SDHB: variants seen among roughly 807,000 people sequenced by gnomAD.
The protein encoded by SDHB is succinate dehydrogenase complex iron sulfur subunit B.
Under a neutral mutation model 39.7 loss-of-function variants are expected in SDHB, and 21 were observed. That is an observed-to-expected ratio of 0.53 (90% confidence interval 0.37 to 0.76). SDHB has a LOEUF of 0.76. Ranked by LOEUF, SDHB falls within the 30% of genes least tolerant of loss-of-function variation. The pLI is 0.00. For synonymous variants in SDHB, 118 were observed against 117.0 expected (o/e 1.01, Z -0.06); for missense variants, 343 against 350.9 (o/e 0.98, Z 0.18).
At chr1:17,043,934 A>G (rs575914937) in intron 2 of SDHB, among the ~76,000 whole-genome samples, 2 of 152,242 alleles carry the variant, frequency 1.3e-5, no homozygotes, top group Non-Finnish European at 2.9e-5. Context: ...GCCTGCTGAC[A>G]CCTTGATTTT....
intron 2 of SDHB, among the ~76,000 whole-genome samples, chr1:17,043,756 G>A (rs2101540318): frequency 6.6e-6 from 1 of 152,354 alleles, no homozygotes; most frequent in Middle Eastern, 3.4e-3. Context: ...GATGGAAGAA[G>A]AGGCCAAGAG....
chr1:17,032,819 C>T, intron 3 of SDHB: 1 of 556,542 alleles, frequency 1.8e-6, no homozygotes, highest in Non-Finnish European at 3.2e-6. Flanking sequence ...CTCACAGGGA[C>T]CGCCAGATGC....
At chr1:17,050,163 A>T (rs935931237) in intron 1 of SDHB, among the ~76,000 whole-genome samples, 1 of 152,144 alleles carries the variant, frequency 6.6e-6, no homozygotes, top group Non-Finnish European at 1.5e-5. Flanking sequence ...AAAAGAGACT[A>T]AGTTTGTATT....
chr1:17,030,470 A>C (rs1570949811), intron 3 of SDHB, among the ~76,000 whole-genome samples: 1 of 152,220 alleles, frequency 6.6e-6, no homozygotes, highest in South Asian at 2.1e-4. Flanking sequence ...GAGGCAAAGC[A>C]AAGCAAACTA....
intron 1 of SDHB, among the ~76,000 whole-genome samples, chr1:17,049,378 ACCTCC>A (rs1295572383): frequency 6.6e-6 from 1 of 150,998 alleles, no homozygotes; most frequent in Admixed American, 6.6e-5. Context: ...GATCGCTGCA[ACCTCC>A]ACCCCTCAGG....
At chr1:17,023,337 A>G (rs1447857892) in intron 6 of SDHB, among the ~76,000 whole-genome samples, 1 of 152,202 alleles carries the variant, frequency 6.6e-6, no homozygotes, top group Non-Finnish European at 1.5e-5. Flanking sequence ...TTCATTATCC[A>G]ATCTTCACAT....
At chr1:17,030,637 C>T (rs191778085) in intron 3 of SDHB, among the ~76,000 whole-genome samples, 1 of 151,814 alleles carries the variant, frequency 6.6e-6, no homozygotes, top group Admixed American at 6.6e-5. Context: ...TTTTGAAGAT[C>T]ATTAGGTCAG....
At chr1:17,049,647 C>CTTTTTTTTTTTTTTTTTTTTTTTTTTT (rs397835910) in intron 1 of SDHB, among the ~76,000 whole-genome samples, 3 of 52,066 alleles carry the variant, frequency 5.8e-5, no homozygotes, top group African/African-American at 2.9e-4. Flanking sequence ...TCCCCTAGTT[C>CTTTTTTTTTTTTTTTTTTTTTTTTTTT]TTTTTTTTTT....
At chr1:17,029,731 CT>C (rs201402887) in intron 3 of SDHB, among the ~76,000 whole-genome samples, 5 of 151,382 alleles carry the variant, frequency 3.3e-5, no homozygotes, top group African/African-American at 7.3e-5. Flanking sequence ...AGCTCTTCTT[CT>C]TTTTTTTTCT....
intron 1 of SDHB, among the ~76,000 whole-genome samples, chr1:17,046,663 T>C (rs952951569): frequency 6.6e-6 from 1 of 152,148 alleles, no homozygotes; most frequent in African/African-American, 2.4e-5. Context: ...CTGAGATTCA[T>C]ATGTTACTGC....
chr1:17,041,809 A>G (rs1288648311), intron 2 of SDHB, among the ~76,000 whole-genome samples: 1 of 152,232 alleles, frequency 6.6e-6, no homozygotes, highest in Non-Finnish European at 1.5e-5. Flanking sequence ...AGAGTTCATG[A>G]ACAGCATTTA....
intron 2 of SDHB, among the ~76,000 whole-genome samples, chr1:17,037,627 T>C (rs1001347612): frequency 2.6e-5 from 4 of 152,120 alleles, no homozygotes; most frequent in African/African-American, 7.2e-5. Flanking sequence ...TGGCTAATTT[T>C]TGTATTTTTA....
Position 17,044,925 on chromosome 1 carries a change from A to G in SDHB, c.73-37T>C, listed in dbSNP as rs201865581. On this transcript the variant is annotated intron_variant, in intron 1 of 7. Coordinates refer to ENST00000375499, the MANE Select transcript of SDHB (RefSeq NM_003000.3). ...TAAAGTTCACAAAAAGGAAAAAAAAATTAGAAATACAAGATAATTCCATTT... is the reference window on the plus strand; with the variant it reads ...TAAAGTTCACAAAAAGGAAAAAAAAGTTAGAAATACAAGATAATTCCATTT... The G allele has an allele frequency of 1.4e-5, 23 of 1,596,384 alleles. No individual in the cohort carries two copies. The East Asian group carries it at 4.9e-4, about 34-fold the overall frequency.
chr1:17,023,209 A>G (rs1292093760), intron 6 of SDHB: 3 of 275,372 alleles, frequency 1.1e-5, no homozygotes, highest in Non-Finnish European at 2.1e-5. Flanking sequence ...GCAGCCTGAG[A>G]TCAGCAGGCT....
At position 17,041,886 on chromosome 1, in the gene SDHB, C is replaced by A. The variant is rs76959903; in HGVS notation, c.200+2875G>T. Among the ~76,000 whole-genome samples the A allele has an allele frequency of 9.4e-3, 1,427 of 151,992 alleles. 56 individuals are homozygous for A. The East Asian group carries it at 0.11, about 12-fold the overall frequency. On this transcript the variant is annotated intron_variant, in intron 2 of 7. Transcript: ENST00000375499. ...CTCATTTCCTAGTGGTTGTGGAAGG[C>A]CCAAAATGTGTCTTCTCGTTATTCA... is the stretch of plus-strand genomic sequence containing the variant.
intron 2 of SDHB, among the ~76,000 whole-genome samples, chr1:17,038,518 T>C (rs2078062130): frequency 1.3e-5 from 2 of 152,230 alleles, no homozygotes; most frequent in South Asian, 4.1e-4. Context: ...GTTAGTTTAA[T>C]TTCTTCCTTT....
chr1:17,038,191 G>A (rs919757164), intron 2 of SDHB, among the ~76,000 whole-genome samples: 6 of 152,138 alleles, frequency 3.9e-5, no homozygotes, highest in Admixed American at 6.5e-5. Context: ...GGGATTATAA[G>A]CACAAGCCAC....
At chr1:17,030,022 T>C (rs1208454699) in intron 3 of SDHB, among the ~76,000 whole-genome samples, 1 of 152,090 alleles carries the variant, frequency 6.6e-6, no homozygotes, top group Non-Finnish European at 1.5e-5. Context: ...GCCAACATGG[T>C]AACCCCCTGT....
intron 1 of SDHB, among the ~76,000 whole-genome samples, chr1:17,052,008 AT>A (rs886917497): frequency 7.5e-6 from 1 of 133,872 alleles, no homozygotes; most frequent in Non-Finnish European, 1.7e-5. Flanking sequence ...CGCCCAGCTA[AT>A]TTTTTTTTTA....
Sources: allele counts gnomAD v4.1 joint callset (sites outside exome capture counted in the v4.1 genomes callset), GRCh38; gene constraint gnomAD v4.1.1; transcripts MANE v1.5; gene names NCBI Gene and HGNC (gene_info 2026-07-23, HGNC 2026-07-21).